Variants in SLC35A2 observed in about 807,000 individuals in gnomAD.
SLC35A2 encodes the protein UDP-galactose translocator.
SLC35A2 carries 1 observed loss-of-function variant against 17.3 expected under a neutral mutation model. The ratio of observed to expected loss-of-function variants is 0.06; its 90% CI spans 0.02 to 0.27. The LOEUF is 0.27. Ranked by LOEUF, SLC35A2 falls within the 10% of genes least tolerant of loss-of-function variation. The probability of loss-of-function intolerance (pLI) is 1.00; values close to 1 mark genes in which losing one functional copy is unlikely to be tolerated. For missense variants in SLC35A2, 191 were observed against 339.3 expected (o/e 0.56, Z 3.43); for synonymous variants, 161 against 161.3 (o/e 1.00, Z 0.01).
chrX:48,903,406 C>G lies in SLC35A2; in HGVS notation c.*32G>C. On this transcript the variant is annotated 3_prime_UTR_variant, in exon 5 of 5. Transcript: ENST00000247138. Reference sequence around the variant, plus strand: ...CTGGGCCAAGGGCAAGAAGAGAGAACGAGGCCAGGCCAATGTCTTCAATCC... The same window carrying G: ...CTGGGCCAAGGGCAAGAAGAGAGAAGGAGGCCAGGCCAATGTCTTCAATCC... 2 of 575,032 alleles carry G rather than the reference C, an allele frequency of 3.5e-6. No individual in the cohort carries two copies. Among genetic ancestry groups the G allele is most frequent in the Non-Finnish European group, 6.4e-6 (2 of 314,184 alleles). The allele number at this position is 575,032 out of a possible 1,213,427, so 47.4% of individuals were successfully genotyped here.
chrX:48,908,564 A>G (rs2063509152), intron 2 of SLC35A2, among the ~76,000 whole-genome samples: 1 of 111,818 alleles, frequency 8.9e-6, no homozygotes, highest in African/African-American at 3.3e-5. Context: ...TCAGGGGAAA[A>G]AAATTCCGGG....
intron 1 of SLC35A2, chrX:48,910,289 C>T: frequency 8.8e-7 from 1 of 1,141,197 alleles, no homozygotes; most frequent in Non-Finnish European, 1.2e-6. Context: ...GGCCACGCGC[C>T]TCGGCTTCCT....
At chrX:48,910,203 G>T in intron 1 of SLC35A2, 1 of 1,059,946 alleles carries the variant, frequency 9.4e-7, no homozygotes, top group East Asian at 3.3e-5. Flanking sequence ...CCAGAAGGGA[G>T]AAATGGGCCC....
intron 2 of SLC35A2, 41 bp from the exon 3 acceptor site, chrX:48,906,584 A>G (rs2063492336): frequency 8.5e-7 from 1 of 1,174,081 alleles, no homozygotes; most frequent in Non-Finnish European, 1.2e-6. Flanking sequence ...ACTGACAGCC[A>G]TACATGGGGA....
chrX:48,911,354 G>A, intron 1 of SLC35A2, 192 bp downstream of exon 1: 1 of 555,193 alleles, frequency 1.8e-6, no homozygotes, highest in Non-Finnish European at 3.0e-6. Flanking sequence ...CTCTCCATAT[G>A]CGGAAGGATC....
intron 4 of SLC35A2, 82 bp from the exon 5 acceptor site, chrX:48,903,547 G>T: frequency 1.8e-6 from 1 of 556,031 alleles, no homozygotes. Context: ...TGAGGGCGGC[G>T]GTGGTGAGGC....
chrX:48,906,312 AC>A (rs782125178), intron 3 of SLC35A2, 79 bp downstream of exon 3: 20 of 935,520 alleles, frequency 2.1e-5, no homozygotes, highest in East Asian at 1.3e-4. Context: ...CCTCTGCAAC[AC>A]CCCCCCACCA....
At chrX:48,910,021 G>A (rs375013092) in intron 1 of SLC35A2, 25 bp from the exon 2 acceptor site, 3 of 1,166,642 alleles carry the variant, frequency 2.6e-6, no homozygotes, top group Non-Finnish European at 3.5e-6. Flanking sequence ...AGGGGCAAGG[G>A]GGAAGGACGG....
In SLC35A2 at chrX:48,911,602, G is replaced by A. The variant is rs1557044100; in HGVS notation, c.35C>T (p.Ala12Val). ...AAVGAGGSTA[A>V]PGPGAVSAGA... ...CGCGGAAACCGCCCCTGGCCCGGGC[G>A]CCGCGGTGGAACCACCAGCCCCAAC... Residue 12 changes from alanine (A) to valine (V), a missense_variant, in exon 1 of 5, where the codon GCG becomes GTG. This residue lies in a region of SLC35A2 where 27 missense variants were observed against 24.0 expected (regional missense o/e 1.12). Coordinates refer to ENST00000247138, the MANE Select transcript of SLC35A2 (RefSeq NM_005660.3). 2.3e-5 allele frequency: 27 copies of A among 1,164,406 alleles called. No homozygotes were observed. The highest frequency in any genetic ancestry group is 3.0e-5 in the Non-Finnish European group (26 of 874,845).
In SLC35A2 at chrX:48,904,776, C is replaced by G. The variant is rs959850660; in HGVS notation, c.1133G>C (p.Gly378Ala). 1 of 1,211,426 alleles carries G rather than the reference C, an allele frequency of 8.3e-7. No homozygotes were observed. The highest frequency in any genetic ancestry group is 1.1e-6 in the Non-Finnish European group (1 of 895,171). ...CAGAAAGGGCTCCGTGATGAGGTCT[C>G]CACGGTGGGAAGACAGCTGCGGTGG... ...PPPPQLSSHRGDLITEPFLPK... is the reference protein window; with the variant it reads ...PPPPQLSSHRADLITEPFLPK... The change falls in exon 4 of 5, where the codon GGA becomes GCA. Residue 378 changes from glycine (G) to alanine (A), a missense_variant. Around this residue, in one of 2 missense-constraint regions of SLC35A2, gnomAD observed 164 missense variants for 315.3 expected, o/e 0.52. Transcript: ENST00000247138.
At chrX:48,911,294 G>A (rs1167885881) in intron 1 of SLC35A2, among the ~76,000 whole-genome samples, 1 of 110,920 alleles carries the variant, frequency 9.0e-6, no homozygotes, top group Non-Finnish European at 1.9e-5. Flanking sequence ...GGTTTCGGTG[G>A]CCTTAGCCTT....
At chrX:48,910,031 G>A (rs1557043697) in intron 1 of SLC35A2, 35 bp from the exon 2 acceptor site, 9 of 1,144,114 alleles carry the variant, frequency 7.9e-6, no homozygotes, top group Non-Finnish European at 1.1e-5. Flanking sequence ...GGGAAGGACG[G>A]GGTCAGAAGC....
upstream of SLC35A2, chrX:48,911,954 C>T: frequency 1.0e-5 from 12 of 1,163,737 alleles, no homozygotes; most frequent in South Asian, 2.3e-4. Context: ...AGATCATCCC[C>T]CGATCTTGTC....
intron 1 of SLC35A2, 83 bp downstream of exon 1, chrX:48,911,461 CCT>C (rs2063533266): frequency 9.2e-7 from 1 of 1,087,107 alleles, no homozygotes; most frequent in Non-Finnish European, 1.2e-6. Context: ...CGGGATGCTC[CCT>C]CTCACTTTAG....
chrX:48,911,113 C>T (rs782749674), intron 1 of SLC35A2, among the ~76,000 whole-genome samples: 11 of 110,684 alleles, frequency 9.9e-5, no homozygotes, highest in Non-Finnish European at 1.9e-4. Context: ...CAAAATGGAC[C>T]CTCTCTAGTC....
In SLC35A2 at chrX:48,903,224, G is replaced by A; in HGVS notation, c.*214C>T. The A allele has an allele frequency of 9.6e-7, 1 of 1,047,018 alleles. No homozygotes were observed. The highest frequency in any genetic ancestry group is 2.0e-5 in the South Asian group (1 of 49,200). 86.3% of individuals were successfully genotyped at this position (1,047,018 alleles called of 1,213,427 possible). A position where few individuals can be genotyped will look rare whatever the true frequency, so the allele number is the denominator to read the frequency against. ...ATTTTATTTGCAAAAACTCAGCTAA[G>A]AGATAGTGTGGAGCTGGCAGGGGCT... On this transcript the variant is annotated 3_prime_UTR_variant, in exon 5 of 5. Transcript: ENST00000247138.
At chrX:48,910,146 G>A in intron 1 of SLC35A2, 150 bp from the exon 2 acceptor site, 1 of 877,023 alleles carries the variant, frequency 1.1e-6, no homozygotes, top group South Asian at 2.2e-5. Context: ...CACCCAATAA[G>A]GGTCTGACTC....
Position 48,906,378 on chromosome X carries a change from G to A in SLC35A2, c.426+14C>T, listed in dbSNP as rs2063490509. ...AGTTAGTTCCTCTGGGGCCATGCTG[G>A]GCTTGGGGCTCACCTGGAAAGTGGC... On this transcript the variant is annotated intron_variant, in intron 3 of 4. Coordinates refer to ENST00000247138, the MANE Select transcript of SLC35A2 (RefSeq NM_005660.3). 2 of 1,205,863 alleles carry A rather than the reference G, an allele frequency of 1.7e-6. No homozygotes were observed. Among genetic ancestry groups the A allele is most frequent in the South Asian group, 3.5e-5 (2 of 56,393 alleles).
chrX:48,905,366 A>G lies in SLC35A2; in HGVS notation c.543T>C (p.Ile181=), dbSNP rs782588117. ...CCCCACCGGCTTGCTGTGCCTGGAC[A>G]ATGGCGACGCCAGTGAAGAGGAGCA... The part of the protein sequence containing the change: ...SLLLLFTGVA[I]VQAQQAGGGG... The change falls in exon 4 of 5, where the codon ATT becomes ATC. Residue 181 remains isoleucine (I), a synonymous_variant. Transcript: ENST00000247138. 3 of 1,191,509 alleles carry G rather than the reference A, an allele frequency of 2.5e-6. No homozygotes were observed. Among genetic ancestry groups the G allele is most frequent in the Admixed American group, 4.8e-5 (2 of 41,568 alleles).
Sources: gnomAD v4.1 joint callset for allele counts (sites outside exome capture counted in the v4.1 genomes callset) on GRCh38, gnomAD v4.1.1 for gene constraint, gnomAD v4.1.1 regional missense constraint, MANE v1.5 for transcripts, NCBI Gene and HGNC (gene_info 2026-07-23, HGNC 2026-07-21) for gene names.